The following GALNTL6 variants were observed in gnomAD, a reference collection of about 807,000 sequenced individuals.
GALNTL6 encodes polypeptide N-acetylgalactosaminyltransferase-like 6.
GALNTL6 carries 46 observed loss-of-function variants against 73.7 expected under a neutral mutation model. The ratio of observed to expected loss-of-function variants is 0.62; its 90% confidence interval spans 0.49 to 0.80. The LOEUF (loss-of-function observed/expected upper bound fraction) is 0.80. Ranked by LOEUF, GALNTL6 falls within the 30% of genes least tolerant of loss-of-function variation. The pLI is 0.00. For missense variants in GALNTL6, 604 were observed against 755.0 expected (o/e 0.80, Z 2.34); for synonymous variants, 259 against 263.7 (o/e 0.98, Z 0.17).
chr4:172,457,393 C>G (rs1317278784), intron 5 of GALNTL6, among the ~76,000 whole-genome samples: 1 of 152,086 alleles, frequency 6.6e-6, no homozygotes. Flanking sequence ...GGGCTAAATG[C>G]CCCAGTTAAA....
At chr4:172,993,995 C>T (rs1490034015) in intron 10 of GALNTL6, among the ~76,000 whole-genome samples, 1 of 152,178 alleles carries the variant, frequency 6.6e-6, no homozygotes, top group African/African-American at 2.4e-5. Flanking sequence ...CAAACCCCAA[C>T]CCGTTCATTG....
chr4:172,180,375 A>G (rs28826345), intron 2 of GALNTL6, among the ~76,000 whole-genome samples: 9,800 of 150,236 alleles, frequency 0.065, 512 homozygotes, highest in African/African-American at 0.15. Context: ...GATTGCAAAA[A>G]TTTTCTGCCA....
chr4:172,392,821 A>G (rs1457664318), intron 5 of GALNTL6, among the ~76,000 whole-genome samples: 1 of 152,138 alleles, frequency 6.6e-6, no homozygotes, highest in Non-Finnish European at 1.5e-5. Flanking sequence ...GTTTTCCCAT[A>G]CATGAAATGA....
chr4:172,633,310 A>T (rs764013527), intron 5 of GALNTL6, among the ~76,000 whole-genome samples: 3 of 152,206 alleles, frequency 2.0e-5, no homozygotes, highest in African/African-American at 7.2e-5. Context: ...GCAGAGCTGC[A>T]CAAGACCATG....
At chr4:172,180,960 T>C (rs1735222768) in intron 2 of GALNTL6, among the ~76,000 whole-genome samples, 1 of 152,172 alleles carries the variant, frequency 6.6e-6, no homozygotes, top group African/African-American at 2.4e-5. Flanking sequence ...TTGGTTCCGT[T>C]AGAAATTTAA....
intron 5 of GALNTL6, among the ~76,000 whole-genome samples, chr4:172,766,420 A>G (rs1218711965): frequency 3.3e-5 from 5 of 152,052 alleles, no homozygotes; most frequent in African/African-American, 9.7e-5. Context: ...GAAAAAGTCT[A>G]TGCTTTACAT....
intron 9 of GALNTL6, among the ~76,000 whole-genome samples, chr4:172,948,210 G>C (rs1749266530): frequency 6.6e-6 from 1 of 152,174 alleles, no homozygotes; most frequent in African/African-American, 2.4e-5. Flanking sequence ...TTAGAGAATG[G>C]TCAGGATGTT....
At chr4:172,451,129 C>G (rs910326382) in intron 5 of GALNTL6, among the ~76,000 whole-genome samples, 1 of 152,094 alleles carries the variant, frequency 6.6e-6, no homozygotes, top group African/African-American at 2.4e-5. Flanking sequence ...ATTAAATTTG[C>G]AAGCAAGCAT....
chr4:172,471,838 A>G (rs1377291836), intron 5 of GALNTL6, among the ~76,000 whole-genome samples: 1 of 152,240 alleles, frequency 6.6e-6, no homozygotes, highest in Non-Finnish European at 1.5e-5. Context: ...GAGTGAATTC[A>G]TGCAGCTTCC....
At chr4:172,416,160 A>G (rs1730822578) in intron 5 of GALNTL6, among the ~76,000 whole-genome samples, 1 of 152,182 alleles carries the variant, frequency 6.6e-6, no homozygotes, top group Non-Finnish European at 1.5e-5. Context: ...AAAGAATCAG[A>G]CATTTAGAGT....
intron 8 of GALNTL6, among the ~76,000 whole-genome samples, chr4:172,923,175 G>A (rs990638250): frequency 5.9e-5 from 9 of 152,126 alleles, no homozygotes; most frequent in East Asian, 1.9e-4. Flanking sequence ...AGACATACCC[G>A]ACACTGGGCA....
intron 4 of GALNTL6, among the ~76,000 whole-genome samples, chr4:172,343,069 T>C (rs1350760871): frequency 6.6e-6 from 1 of 152,200 alleles, no homozygotes; most frequent in Non-Finnish European, 1.5e-5. Context: ...GTTATTATTT[T>C]AAGTCATTGA....
At chr4:172,393,390 C>T (rs1743736593) in intron 5 of GALNTL6, among the ~76,000 whole-genome samples, 1 of 152,152 alleles carries the variant, frequency 6.6e-6, no homozygotes, top group Non-Finnish European at 1.5e-5. Flanking sequence ...AGCTTCTCTG[C>T]AGCTCTAGCA....
At chr4:172,680,914 A>G (rs1732600598) in intron 5 of GALNTL6, among the ~76,000 whole-genome samples, 1 of 152,246 alleles carries the variant, frequency 6.6e-6, no homozygotes, top group Non-Finnish European at 1.5e-5. Context: ...CAGCAGAATT[A>G]TAATCAGCAG....
chr4:171,961,008 T>C (rs2111047069), intron 2 of GALNTL6, among the ~76,000 whole-genome samples: 1 of 152,210 alleles, frequency 6.6e-6, no homozygotes, highest in East Asian at 1.9e-4. Context: ...CCAGATTCTT[T>C]CTTGTGAGAG....
chr4:171,842,454 C>T (rs1465279822), intron 2 of GALNTL6, among the ~76,000 whole-genome samples: 1 of 152,046 alleles, frequency 6.6e-6, no homozygotes, highest in Admixed American at 6.6e-5. Context: ...TCTTGTGTCA[C>T]TATGAAGAAA....
chr4:172,720,119 A>G (rs1735372303), intron 5 of GALNTL6, among the ~76,000 whole-genome samples: 1 of 152,078 alleles, frequency 6.6e-6, no homozygotes, highest in African/African-American at 2.4e-5. Flanking sequence ...CTTGTGACTT[A>G]TAATGCCTTA....
intron 2 of GALNTL6, among the ~76,000 whole-genome samples, chr4:172,173,759 T>C (rs6850694): frequency 0.064 from 9,795 of 152,248 alleles, 518 homozygotes; most frequent in African/African-American, 0.15. Context: ...CATTTGATAG[T>C]ATGTCTTTTT....
At chr4:172,007,811 G>C (rs959811305) in intron 2 of GALNTL6, among the ~76,000 whole-genome samples, 1 of 152,012 alleles carries the variant, frequency 6.6e-6, no homozygotes, top group African/African-American at 2.4e-5. Flanking sequence ...CCCCTTTTCT[G>C]TCCTTAAACT....
Sources: allele counts gnomAD v4.1 joint callset (sites outside exome capture counted in the v4.1 genomes callset), GRCh38; gene constraint gnomAD v4.1.1; transcripts MANE v1.5; gene names NCBI Gene and HGNC (gene_info 2026-07-23, HGNC 2026-07-21).